Variants in ACTN2 observed in about 807,000 individuals in gnomAD.
ACTN2 encodes actinin alpha 2, also known as alpha-actinin-2.
A neutral mutation model predicts 113.8 loss-of-function variants in ACTN2; 39 were observed. The ratio of observed to expected loss-of-function variants is 0.34; its 90% CI spans 0.27 to 0.45. The LOEUF is 0.45. Among genes scored for constraint, ACTN2 ranks in the 20% least tolerant of loss-of-function variants. ACTN2 has a pLI of 1.00. For synonymous variants in ACTN2, 429 were observed against 444.1 expected (o/e 0.97, Z 0.43); for missense variants, 992 against 1,177.9 (o/e 0.84, Z 2.31).
chr1:236,728,300 C>T (rs181609081), intron 6 of ACTN2, among the ~76,000 whole-genome samples: 94 of 152,200 alleles, frequency 6.2e-4, no homozygotes, highest in African/African-American at 1.8e-3. Context: ...TCCGCCACCA[C>T]GCCTGGATAA....
chr1:236,721,022 GTTTTTTTTTTT>G lies in ACTN2; in HGVS notation c.448+844_448+854del, dbSNP rs869077774. Among the ~76,000 whole-genome samples, 6 of 66,498 alleles carry G rather than the reference GTTTTTTTTTTT, an allele frequency of 9.0e-5. 1 individual carries two copies. Among genetic ancestry groups the G allele is most frequent in the Non-Finnish European group, 1.6e-4 (6 of 37,798 alleles). 43.6% of individuals were successfully genotyped at this position (66,498 alleles called of 152,430 possible). ...CCTCTGACTCTGGTTTTTGTTTTTT[GTTTTTTTTTTT>G]TTTTTTTTTTTTGAGACGGAGTCTC... is the stretch of plus-strand genomic sequence containing the variant. On this transcript the variant is annotated intron_variant, in intron 4 of 20. Transcript: ENST00000366578.
At chr1:236,694,189 G>A (rs1040696322) in intron 1 of ACTN2, among the ~76,000 whole-genome samples, 1 of 151,664 alleles carries the variant, frequency 6.6e-6, no homozygotes, top group Middle Eastern at 3.2e-3. Context: ...GACTCACACA[G>A]AGTCTGCACT....
chr1:236,716,994 C>T (rs1658237735), intron 1 of ACTN2, among the ~76,000 whole-genome samples: 1 of 151,898 alleles, frequency 6.6e-6, no homozygotes, highest in Non-Finnish European at 1.5e-5. Context: ...GTTACCACAC[C>T]CAGCTAATTT....
In ACTN2 at chr1:236,762,504, A is replaced by G. The variant is rs1359577957; in HGVS notation, c.2570A>G (p.Asp857Gly). The change falls in exon 21 of 21, where the codon GAT (aspartate) becomes GGT (glycine). Residue 857 changes from aspartate to glycine, a missense_variant. By Grantham distance (94) the Asp-to-Gly change is moderately conservative (BLOSUM62 -1). Transcript: ENST00000366578. Reference protein sequence around the residue: ...AEELRRELPPDQAQYCIKRMP... With the variant: ...AEELRRELPPGQAQYCIKRMP... ...GAGCTGCGTCGGGAGCTGCCCCCGG[A>G]TCAGGCCCAGTACTGCATCAAGAGG... The G allele has an allele frequency of 1.2e-6, 2 of 1,614,026 alleles. No homozygotes were observed. Among genetic ancestry groups the G allele is most frequent in the East Asian group, 4.5e-5 (2 of 44,898 alleles).
At chr1:236,720,287 A>G in intron 4 of ACTN2, 96 bp downstream of exon 4, 2 of 999,932 alleles carry the variant, frequency 2.0e-6, no homozygotes, top group African/African-American at 1.6e-5. Flanking sequence ...ACAGTCACTT[A>G]CATGATTGAA....
chr1:236,718,305 T>G (rs930142067), intron 2 of ACTN2, among the ~76,000 whole-genome samples: 5 of 152,224 alleles, frequency 3.3e-5, no homozygotes, highest in Admixed American at 6.5e-5. Context: ...GAAATCATCT[T>G]GTATCCAAAA....
chr1:236,735,226 G>A (rs934456500), intron 7 of ACTN2, among the ~76,000 whole-genome samples: 9 of 152,144 alleles, frequency 5.9e-5, no homozygotes, highest in Admixed American at 3.9e-4. Flanking sequence ...AATATTCCCC[G>A]CATCTTGCAA....
At chr1:236,742,062 C>T (rs1219332032) in intron 10 of ACTN2, among the ~76,000 whole-genome samples, 3 of 152,148 alleles carry the variant, frequency 2.0e-5, no homozygotes, top group Non-Finnish European at 2.9e-5. Context: ...TTCCTCACAT[C>T]ACTGTCTTTT....
chr1:236,755,120 C>T lies in ACTN2; in HGVS notation c.2076C>T (p.Ile692=), dbSNP rs144122893. The change falls in exon 17 of 21, where the codon ATC becomes ATT. Residue 692 remains isoleucine, a synonymous_variant. Transcript: ENST00000366578. The stretch of plus-strand genomic sequence containing the variant: ...ACATCATCAACTATAAGAACAACAT[C>T]GACAAGCTGGAGGGAGACCATCAGC... ...EHNIINYKNN[I]DKLEGDHQLI... 2.0e-4 allele frequency: 325 copies of T among 1,614,156 alleles called. No homozygotes were observed. In the African/African-American group the frequency reaches 3.4e-3, roughly 17 times the overall value.
rs747400815 is a variant in ACTN2 at position 236,739,531 on chromosome 1, C to T, written c.1106C>T (p.Ser369Leu). Residue 369 changes from serine (S) to leucine (L), a missense_variant and splice_region_variant, in exon 10 of 21, where the codon TCG (serine) becomes TTG (leucine). By Grantham distance (145) the Ser-to-Leu change is moderately radical (BLOSUM62 -2). Transcript: ENST00000366578. ...AFMPSEGKMV[S>L]DIAGAWQRLE... Reference sequence around the variant, plus strand: ...ATGCCCTCCGAGGGCAAGATGGTGTCGGTGAGTAGCAAGCGCCAAGCCCTC... The same window carrying T: ...ATGCCCTCCGAGGGCAAGATGGTGTTGGTGAGTAGCAAGCGCCAAGCCCTC... The T allele has an allele frequency of 1.0e-4, 166 of 1,613,886 alleles. No homozygotes were observed. Among genetic ancestry groups the T allele is most frequent in the Admixed American group, 5.0e-4 (30 of 59,986 alleles).
At chr1:236,734,985 G>C (rs1359683700) in intron 7 of ACTN2, among the ~76,000 whole-genome samples, 1 of 152,204 alleles carries the variant, frequency 6.6e-6, no homozygotes, top group Non-Finnish European at 1.5e-5. Flanking sequence ...AGTAGAAATA[G>C]TAGCGAGTCT....
rs143005291 is a variant in ACTN2 at position 236,755,159 on chromosome 1, C to T, written c.2115C>T (p.Ala705=). ...LEGDHQLIQE[A]LVFDNKHTNY... ...GAGACCATCAGCTCATCCAGGAGGCCCTTGTCTTTGACAACAAGCACACGA... is the reference window on the plus strand; with the variant it reads ...GAGACCATCAGCTCATCCAGGAGGCTCTTGTCTTTGACAACAAGCACACGA... The change falls in exon 17 of 21, where the codon GCC becomes GCT. Residue 705 remains alanine (A), a synonymous_variant. Transcript: ENST00000366578. 9 of 1,614,092 alleles carry T rather than the reference C, an allele frequency of 5.6e-6. No homozygotes were observed. The highest frequency in any genetic ancestry group is 1.7e-5 in the Admixed American group (1 of 60,012).
intron 1 of ACTN2, among the ~76,000 whole-genome samples, chr1:236,715,047 G>T (rs1658134266): frequency 6.6e-6 from 1 of 152,080 alleles, no homozygotes; most frequent in Non-Finnish European, 1.5e-5. Context: ...ATATGCAAGA[G>T]ACTGATAGCT....
intron 1 of ACTN2, among the ~76,000 whole-genome samples, chr1:236,716,834 C>T (rs1443588664): frequency 7.5e-5 from 2 of 26,548 alleles, no homozygotes; most frequent in Non-Finnish European, 1.4e-4. Context: ...ACATTTTGAA[C>T]ATTTTTTTTT....
intron 12 of ACTN2, among the ~76,000 whole-genome samples, chr1:236,745,010 C>T (rs947871577): frequency 6.6e-6 from 1 of 152,168 alleles, no homozygotes; most frequent in Admixed American, 6.5e-5. Flanking sequence ...ACAGGCAGCT[C>T]CGCTTCCAGC....
intron 20 of ACTN2, among the ~76,000 whole-genome samples, 176 bp downstream of exon 20, chr1:236,761,349 G>A (rs1388223478): frequency 6.6e-6 from 1 of 152,158 alleles, no homozygotes; most frequent in African/African-American, 2.4e-5. Flanking sequence ...CCAGCACAGA[G>A]GAAACAGACA....
rs1458131249 is a variant in ACTN2 at position 236,690,825 on chromosome 1, ATTG to A, written c.126+4031_126+4033del. Among the ~76,000 whole-genome samples, 3 of 152,102 alleles carry A rather than the reference ATTG, an allele frequency of 2.0e-5. No homozygotes were observed. The East Asian group carries it at 5.8e-4, about 29-fold the overall frequency. On this transcript the variant is annotated intron_variant, in intron 1 of 20. Coordinates refer to ENST00000366578, the MANE Select transcript of ACTN2 (RefSeq NM_001103.4). ...ATTCAGTGGTGGTACGTCTATTCAC[ATTG>A]TTGTACAACCATCACCACTCTGTGT...
intron 1 of ACTN2, among the ~76,000 whole-genome samples, chr1:236,709,220 G>GTGTGTGTATATATATA (rs1275373436): frequency 1.3e-4 from 9 of 66,852 alleles, no homozygotes; most frequent in Admixed American, 4.5e-4. Flanking sequence ...ACAAATGACT[G>GTGTGTGTATATATATA]TATATATATA....
chr1:236,707,700 CTTTTTTTTCTTT>C (rs1558226639), intron 1 of ACTN2, among the ~76,000 whole-genome samples: 27 of 111,730 alleles, frequency 2.4e-4, no homozygotes, highest in African/African-American at 7.5e-4. Flanking sequence ...CTTTTCTTTT[CTTTTTTTTCTTT>C]TTTTTTTTTT....
Sources: allele counts gnomAD v4.1 joint callset (sites outside exome capture counted in the v4.1 genomes callset), GRCh38; gene constraint gnomAD v4.1.1; transcripts MANE v1.5; gene names NCBI Gene and HGNC (gene_info 2026-07-23, HGNC 2026-07-21).